Variants in MYOCD observed in about 807,000 individuals in gnomAD.
MYOCD encodes the protein myocardin.
In MYOCD, 32 loss-of-function variants were observed where a neutral mutation model predicts 96.1. That is an observed-to-expected ratio of 0.33 (90% CI 0.25 to 0.45). The LOEUF is 0.45. Ranked by LOEUF, MYOCD falls within the 20% of genes least tolerant of loss-of-function variation. The probability of loss-of-function intolerance (pLI) is 1.00; values close to 1 mark genes in which losing one functional copy is unlikely to be tolerated. For synonymous variants in MYOCD, 469 were observed against 469.0 expected (o/e 1.00, Z 0.00); for missense variants, 1,133 against 1,200.6 (o/e 0.94, Z 0.83).
intron 1 of MYOCD, among the ~76,000 whole-genome samples, chr17:12,698,616 G>C (rs1191167484): frequency 1.3e-5 from 2 of 151,422 alleles, no homozygotes; most frequent in African/African-American, 4.8e-5. Context: ...CTTTATAACT[G>C]AAAAATCTGC....
intron 1 of MYOCD, among the ~76,000 whole-genome samples, chr17:12,697,261 T>C (rs1336921822): frequency 3.3e-5 from 5 of 151,028 alleles, no homozygotes; most frequent in African/African-American, 1.2e-4. Context: ...CAATCCCATA[T>C]GTTTTGTGTG....
intron 10 of MYOCD, among the ~76,000 whole-genome samples, chr17:12,754,955 G>A (rs764703322): frequency 2.5e-4 from 38 of 152,264 alleles, no homozygotes; most frequent in African/African-American, 7.2e-4. Context: ...ATGAACCCAA[G>A]ATTTGTTAAT....
intron 1 of MYOCD, among the ~76,000 whole-genome samples, chr17:12,701,221 C>T (rs1369841122): frequency 6.6e-6 from 1 of 151,952 alleles, no homozygotes; most frequent in Non-Finnish European, 1.5e-5. Flanking sequence ...AGACCAACCT[C>T]ACCAACATGG....
chr17:12,712,113 A>G (rs7503928), intron 2 of MYOCD, among the ~76,000 whole-genome samples: 51,286 of 151,540 alleles, frequency 0.34, 10,753 homozygotes, highest in African/African-American at 0.59. Flanking sequence ...CACCTGCCTC[A>G]GCCTCCCAAA....
In MYOCD at chr17:12,763,619, T is replaced by A; in HGVS notation, c.2936T>A (p.Met979Lys). The change falls in exon 14 of 14, where the codon ATG becomes AAG. Residue 979 changes from methionine to lysine, a missense_variant. Coordinates refer to ENST00000425538, the MANE Select transcript of MYOCD (RefSeq NM_001146312.3). Reference protein sequence around the residue: ...DVTDLNLNSSMDLHLQQW With the variant: ...DVTDLNLNSSKDLHLQQW Reference sequence around the variant, plus strand: ...ACTGATCTCAATTTGAATTCTTCCATGGACCTTCACTTGCAGCAGTGGTAG... The same window carrying A: ...ACTGATCTCAATTTGAATTCTTCCAAGGACCTTCACTTGCAGCAGTGGTAG... The A allele has an allele frequency of 1.2e-6, 2 of 1,612,948 alleles. No individual in the cohort carries two copies. Among genetic ancestry groups the A allele is most frequent in the Non-Finnish European group, 8.5e-7 (1 of 1,179,344 alleles).
intron 6 of MYOCD, among the ~76,000 whole-genome samples, chr17:12,737,826 C>T (rs1284670917): frequency 6.6e-6 from 1 of 152,188 alleles, no homozygotes; most frequent in Non-Finnish European, 1.5e-5. Flanking sequence ...TGCCTATCTT[C>T]ACCCCATCAG....
chr17:12,746,413 G>C (rs990201457), intron 9 of MYOCD, among the ~76,000 whole-genome samples: 1 of 152,144 alleles, frequency 6.6e-6, no homozygotes, highest in African/African-American at 2.4e-5. Context: ...GGGCAAGAAA[G>C]GGCAAGAGCC....
At chr17:12,690,709 A>G (rs1234000550) in intron 1 of MYOCD, among the ~76,000 whole-genome samples, 5 of 150,470 alleles carry the variant, frequency 3.3e-5, no homozygotes, top group Non-Finnish European at 7.4e-5. Context: ...CCTCGGACAT[A>G]CTAGACTATA....
chr17:12,727,321 C>T (rs2032027821), intron 5 of MYOCD, among the ~76,000 whole-genome samples: 1 of 152,120 alleles, frequency 6.6e-6, no homozygotes, highest in Non-Finnish European at 1.5e-5. Context: ...TTAAATGTGC[C>T]TGAGTTTTTA....
chr17:12,688,229 C>T (rs1455383883), intron 1 of MYOCD, among the ~76,000 whole-genome samples: 4 of 152,156 alleles, frequency 2.6e-5, no homozygotes, highest in Admixed American at 2.6e-4. Flanking sequence ...TCAGCTGATC[C>T]CCCAGTTTTG....
chr17:12,739,348 C>G lies in MYOCD; in HGVS notation c.717+20C>G. 1.3e-6 allele frequency: 2 copies of G among 1,518,712 alleles called. No homozygotes were observed. Among genetic ancestry groups the G allele is most frequent in the Non-Finnish European group, 1.8e-6 (2 of 1,133,508 alleles). The allele number at this position is 1,518,712 out of a possible 1,614,324, so 94.1% of individuals were successfully genotyped here. ...GTAAAGGTACGGACACATCAGCCTC[C>G]AAGCCCTGCCTGAGCGCTCGGCTCA... On this transcript the variant is annotated intron_variant, in intron 7 of 13. Transcript: ENST00000425538.
At chr17:12,719,669 A>G (rs2031764037) in intron 4 of MYOCD, among the ~76,000 whole-genome samples, 2 of 149,226 alleles carry the variant, frequency 1.3e-5, no homozygotes, top group Non-Finnish European at 3.0e-5. Context: ...CCTGGCCAAC[A>G]CAATGAAACC....
chr17:12,709,165 G>A (rs149705564), intron 2 of MYOCD, among the ~76,000 whole-genome samples: 26 of 152,276 alleles, frequency 1.7e-4, no homozygotes, highest in Middle Eastern at 3.4e-3. Context: ...ACTCTAATGA[G>A]GTGAATCATG....
intron 12 of MYOCD, 52 bp downstream of exon 12, chr17:12,758,265 A>G: frequency 1.2e-6 from 2 of 1,611,066 alleles, no homozygotes; most frequent in Non-Finnish European, 1.7e-6. Context: ...CAATGAACAG[A>G]CATTGTTTGA....
chr17:12,744,128 A>G, intron 7 of MYOCD, 55 bp from the exon 8 acceptor site: 2 of 1,580,944 alleles, frequency 1.3e-6, no homozygotes, highest in Non-Finnish European at 1.7e-6. Flanking sequence ...CCATGATGCA[A>G]AATCATTCTC....
At chr17:12,676,190 C>G (rs1407278153) in intron 1 of MYOCD, among the ~76,000 whole-genome samples, 1 of 151,402 alleles carries the variant, frequency 6.6e-6, no homozygotes, top group Non-Finnish European at 1.5e-5. Flanking sequence ...TTTTAATCCT[C>G]TTACTTGATA....
chr17:12,734,270 A>T (rs2032271087), intron 5 of MYOCD, among the ~76,000 whole-genome samples: 1 of 152,116 alleles, frequency 6.6e-6, no homozygotes, highest in Non-Finnish European at 1.5e-5. Flanking sequence ...AGGTGACATC[A>T]CAAAGCTCTC....
chr17:12,758,808 GGA>G (rs1487106982), intron 12 of MYOCD, among the ~76,000 whole-genome samples: 10 of 152,202 alleles, frequency 6.6e-5, no homozygotes, highest in Non-Finnish European at 1.0e-4. Context: ...CAGCACTTTG[GGA>G]GGCCAAGGTG....
intron 3 of MYOCD, 27 bp from the exon 4 acceptor site, chr17:12,717,319 G>C (rs1225814846): frequency 6.3e-7 from 1 of 1,582,744 alleles, no homozygotes; most frequent in Non-Finnish European, 8.7e-7. Flanking sequence ...GTAAAACTAG[G>C]TGATTTCTCT....
Sources: allele counts gnomAD v4.1 joint callset (sites outside exome capture counted in the v4.1 genomes callset), GRCh38; gene constraint gnomAD v4.1.1; transcripts MANE v1.5; gene names NCBI Gene and HGNC (gene_info 2026-07-23, HGNC 2026-07-21).